Variants in GALNT13 observed in about 807,000 individuals in gnomAD.
GALNT13 encodes UDP-GalNAc:polypeptide N-acetylgalactosaminyltransferase 13.
A neutral mutation model predicts 64.2 loss-of-function variants in GALNT13; 28 were observed. That is an observed-to-expected ratio of 0.44 (90% CI 0.32 to 0.60). GALNT13 has a LOEUF of 0.60. Among genes scored for constraint, GALNT13 ranks in the 20% least tolerant of loss-of-function variants. GALNT13 has a pLI of 0.05. For missense variants in GALNT13, 577 were observed against 669.8 expected, an observed-to-expected ratio of 0.86 and a Z score of 1.53; for synonymous variants, 214 against 224.6, an observed-to-expected ratio of 0.95 and a Z score of 0.42.
intron 1 of GALNT13, among the ~76,000 whole-genome samples, chr2:153,886,874 G>A (rs528109376): frequency 6.6e-6 from 1 of 152,004 alleles, no homozygotes; most frequent in Non-Finnish European, 1.5e-5. Context: ...TAAGATAAAT[G>A]TAGAGATTCA....
the GALNT13 span, among the ~76,000 whole-genome samples, chr2:153,541,696 A>G: frequency 6.6e-6 from 1 of 152,200 alleles, no homozygotes; most frequent in South Asian, 2.1e-4. Flanking sequence ...AGGGGAATAC[A>G]TGCTTAGAGA....
the GALNT13 span, among the ~76,000 whole-genome samples, chr2:153,677,458 T>A: frequency 6.6e-6 from 1 of 152,006 alleles, no homozygotes. Context: ...AAAGAATCAA[T>A]ATTGTTAGAA....
chr2:153,590,294 T>C, the GALNT13 span, among the ~76,000 whole-genome samples: 3 of 152,028 alleles, frequency 2.0e-5, no homozygotes, highest in African/African-American at 7.2e-5. Flanking sequence ...CAAAAGTAAA[T>C]AGAAAATTAT....
At chr2:153,452,999 C>G in the GALNT13 span, among the ~76,000 whole-genome samples, 1 of 151,860 alleles carries the variant, frequency 6.6e-6, no homozygotes, top group Admixed American at 6.6e-5. Flanking sequence ...TCTAAGCCAT[C>G]GAAGTTAATA....
the GALNT13 span, among the ~76,000 whole-genome samples, chr2:153,726,797 G>T: frequency 1.3e-5 from 2 of 152,022 alleles, no homozygotes; most frequent in South Asian, 2.1e-4. Context: ...AAAATTAGCC[G>T]GGTGTGGTGG....
At chr2:153,169,027 C>G in the GALNT13 span, among the ~76,000 whole-genome samples, 1 of 149,144 alleles carries the variant, frequency 6.7e-6, no homozygotes, top group African/African-American at 2.5e-5. Flanking sequence ...AAAAAAAAAA[C>G]TAGTTATGCC....
chr2:153,478,428 C>A, the GALNT13 span: 1 of 1,614,044 alleles, frequency 6.2e-7, no homozygotes, highest in South Asian at 1.1e-5. Context: ...TACGCTCGTC[C>A]GGGCCTCCCT....
chr2:153,849,783 T>G, the GALNT13 span, among the ~76,000 whole-genome samples: 2 of 151,872 alleles, frequency 1.3e-5, no homozygotes, highest in African/African-American at 2.4e-5. Context: ...TCTTCAGAAA[T>G]CTGCAATGTG....
chr2:153,257,030 G>A, the GALNT13 span, among the ~76,000 whole-genome samples: 6 of 152,264 alleles, frequency 3.9e-5, no homozygotes, highest in East Asian at 3.9e-4. Context: ...TCTGGGCAAT[G>A]GCGGGCGCCC....
downstream of GALNT13, among the ~76,000 whole-genome samples, chr2:154,456,398 G>A (rs1016670912): frequency 3.9e-5 from 6 of 152,078 alleles, no homozygotes; most frequent in African/African-American, 1.4e-4. Flanking sequence ...ATACATTTTT[G>A]TAGAGTTAAA....
intron 3 of GALNT13, among the ~76,000 whole-genome samples, chr2:153,973,997 A>G (rs2105135914): frequency 6.6e-6 from 1 of 152,166 alleles, no homozygotes; most frequent in South Asian, 2.1e-4. Context: ...GATGTTACCA[A>G]TGATTTATAG....
rs1160629761 is a variant in GALNT13, at chr2:154,020,694, CTTTAG to C, written c.142+76060_142+76064del. Among the ~76,000 whole-genome samples the C allele has an allele frequency of 4.1e-3, 619 of 150,216 alleles. 2 individuals carry two copies. Among genetic ancestry groups the C allele is most frequent in the Non-Finnish European group, 7.7e-3 (520 of 67,122 alleles). The stretch of plus-strand genomic sequence containing the variant: ...TAGTTTCTTTTGCTGTGCAGAAGCT[CTTTAG>C]TTTAATTAGATCCCATTTGTCAATT... On this transcript the variant is annotated intron_variant, in intron 3 of 12. Coordinates refer to ENST00000392825, the MANE Select transcript of GALNT13 (RefSeq NM_052917.4).
chr2:154,314,308 A>G (rs945986359), intron 9 of GALNT13, among the ~76,000 whole-genome samples: 6 of 152,176 alleles, frequency 3.9e-5, no homozygotes, highest in Non-Finnish European at 7.3e-5. Context: ...TCTGACACTT[A>G]GTAGCAGTCA....
At chr2:153,773,001 C>T in the GALNT13 span, among the ~76,000 whole-genome samples, 1 of 152,236 alleles carries the variant, frequency 6.6e-6, no homozygotes, top group East Asian at 1.9e-4. Flanking sequence ...GTGGCCACTA[C>T]AGTTGCCTTT....
intron 3 of GALNT13, among the ~76,000 whole-genome samples, chr2:154,024,559 T>G (rs6728492): frequency 0.19 from 28,299 of 152,218 alleles, 3,370 homozygotes; most frequent in Non-Finnish European, 0.26. Context: ...CTTTAAGGAC[T>G]TCTCTGCGTT....
At chr2:153,402,007 A>T in the GALNT13 span, among the ~76,000 whole-genome samples, 1 of 137,714 alleles carries the variant, frequency 7.3e-6, no homozygotes, top group African/African-American at 2.8e-5. Context: ...TAGTTGATGC[A>T]GTTTCTTCCT....
At chr2:153,776,550 A>G in the GALNT13 span, among the ~76,000 whole-genome samples, 1 of 152,242 alleles carries the variant, frequency 6.6e-6, no homozygotes, top group Non-Finnish European at 1.5e-5. Flanking sequence ...CCAACAAAGC[A>G]TTAACATCCT....
chr2:153,630,791 ATATATATATATATATATTTT>A, the GALNT13 span, among the ~76,000 whole-genome samples: 74 of 13,110 alleles, frequency 5.6e-3, 1 homozygote, highest in Non-Finnish European at 7.7e-3. Context: ...ATATATATAT[ATATATATATATATATATTTT>A]TTTTTTTTTT....
the GALNT13 span, among the ~76,000 whole-genome samples, chr2:153,528,227 T>C: frequency 2.6e-5 from 4 of 151,776 alleles, no homozygotes; most frequent in Admixed American, 1.3e-4. Flanking sequence ...AGTAAATGGA[T>C]GGAAGAAGAT....
Sources: gnomAD v4.1 joint callset for allele counts (sites outside exome capture counted in the v4.1 genomes callset) on GRCh38, gnomAD v4.1.1 for gene constraint, MANE v1.5 for transcripts, NCBI Gene and HGNC (gene_info 2026-07-23, HGNC 2026-07-21) for gene names.